JAKMIP2: variants seen among roughly 807,000 people sequenced by gnomAD.
The protein encoded by JAKMIP2 is janus kinase and microtubule interacting protein 2.
In JAKMIP2, 25 loss-of-function variants were observed where a neutral mutation model predicts 115.0. That is an observed-to-expected ratio of 0.22 (90% confidence interval 0.16 to 0.30). JAKMIP2 has a LOEUF of 0.30. Ranked by LOEUF, JAKMIP2 falls within the 10% of genes least tolerant of loss-of-function variation. JAKMIP2 has a pLI of 1.00. For missense variants in JAKMIP2, 642 were observed against 957.6 expected (o/e 0.67, Z 4.35); for synonymous variants, 334 against 343.6 (o/e 0.97, Z 0.31).
At chr5:147,601,014 G>GA (rs1755664824) in intron 21 of JAKMIP2, among the ~76,000 whole-genome samples, 2 of 152,130 alleles carry the variant, frequency 1.3e-5, no homozygotes, top group East Asian at 3.9e-4. Flanking sequence ...TAGATTAGCA[G>GA]AATCAGAATT....
chr5:147,660,956 G>A lies in JAKMIP2; in HGVS notation c.619C>T (p.Arg207Trp). The change falls in exon 3 of 22, where the codon CGG becomes TGG. Residue 207 changes from arginine (R) to tryptophan (W), a missense_variant. Transcript: ENST00000616793. ...KIKWESERDI[R>W]RLMDEIKAKD... ...GGGATTACTGTACTAACCAGCCTCCGAATATCCCGCTCCGACTCCCACTTG... is the reference window on the plus strand; with the variant it reads ...GGGATTACTGTACTAACCAGCCTCCAAATATCCCGCTCCGACTCCCACTTG... 1.9e-6 allele frequency: 3 copies of A among 1,613,752 alleles called. No individual in the cohort carries two copies. Among genetic ancestry groups the A allele is most frequent in the Middle Eastern group, 1.7e-4 (1 of 6,052 alleles).
chr5:147,695,630 T>C (rs1313897533), intron 1 of JAKMIP2, among the ~76,000 whole-genome samples: 2 of 151,398 alleles, frequency 1.3e-5, no homozygotes, highest in African/African-American at 4.9e-5. Flanking sequence ...TCTTCCTCTA[T>C]TGTTACGGAA....
At chr5:147,746,725 T>C (rs1261844207) in intron 1 of JAKMIP2, among the ~76,000 whole-genome samples, 1 of 152,130 alleles carries the variant, frequency 6.6e-6, no homozygotes, top group Non-Finnish European at 1.5e-5. Flanking sequence ...ATATACACTT[T>C]CATTTTTCTA....
intron 12 of JAKMIP2, among the ~76,000 whole-genome samples, chr5:147,633,252 C>G (rs1757453713): frequency 6.6e-6 from 1 of 152,156 alleles, no homozygotes; most frequent in African/African-American, 2.4e-5. Context: ...AATTCAAAAA[C>G]CTTAATAATC....
At chr5:147,651,260 T>C (rs1025156042) in intron 3 of JAKMIP2, among the ~76,000 whole-genome samples, 1 of 152,222 alleles carries the variant, frequency 6.6e-6, no homozygotes, top group African/African-American at 2.4e-5. Flanking sequence ...ATGTGTGAGA[T>C]ATATTTATTG....
In JAKMIP2 at chr5:147,622,963, C is replaced by G. The variant is rs548288347; in HGVS notation, c.2064+658G>C. On this transcript the variant is annotated intron_variant, in intron 17 of 21. Coordinates refer to ENST00000616793, the MANE Select transcript of JAKMIP2 (RefSeq NM_001270941.2). The stretch of plus-strand genomic sequence containing the variant: ...GAACACAGGGTCTTGCTCTGTTGCC[C>G]AGGCTGGAATGCAGTGGTACAAAAA... Among the ~76,000 whole-genome samples, 8 of 152,256 alleles carry G rather than the reference C, an allele frequency of 5.3e-5. No individual in the cohort carries two copies. In the South Asian group the frequency reaches 1.5e-3, roughly 28 times the overall value.
At chr5:147,661,983 A>G (rs1231582579) in intron 2 of JAKMIP2, 3 of 152,424 alleles carry the variant, frequency 2.0e-5, no homozygotes, top group Non-Finnish European at 4.4e-5. Flanking sequence ...ATATTGTGAT[A>G]AGGCTAATAA....
chr5:147,610,435 G>A (rs1420791287), intron 20 of JAKMIP2, among the ~76,000 whole-genome samples: 1 of 152,136 alleles, frequency 6.6e-6, no homozygotes, highest in Non-Finnish European at 1.5e-5. Context: ...CTAACAGTCA[G>A]GCCCCTCTGC....
chr5:147,722,020 G>C (rs1183536946), intron 1 of JAKMIP2, among the ~76,000 whole-genome samples: 1 of 152,082 alleles, frequency 6.6e-6, no homozygotes, highest in Non-Finnish European at 1.5e-5. Context: ...ACTTCCTGTC[G>C]AAAGGTGTCC....
At chr5:147,779,034 C>T (rs1235363758) in intron 1 of JAKMIP2, among the ~76,000 whole-genome samples, 4 of 152,014 alleles carry the variant, frequency 2.6e-5, no homozygotes, top group Non-Finnish European at 5.9e-5. Flanking sequence ...ACCATCATTG[C>T]GTTATTTATG....
intron 1 of JAKMIP2, among the ~76,000 whole-genome samples, chr5:147,725,065 G>T (rs1042959088): frequency 1.3e-5 from 2 of 152,138 alleles, no homozygotes; most frequent in Non-Finnish European, 2.9e-5. Flanking sequence ...AACCAAGATG[G>T]TGATGAAAGT....
rs775753331 is a variant in JAKMIP2, at chr5:147,644,098, T to C, written c.1184A>G (p.Gln395Arg). ...AATAATGTTCTGTTGCTCAATGACC[T>C]GAAGTTTTAGAAACTCTGTTTCTTG... ...EEQETEFLKL[Q>R]VIEQQNIIDE... is the part of the protein sequence containing the mutation. Residue 395 changes from glutamine (Q) to arginine (R), a missense_variant, in exon 7 of 22, where the codon CAG (glutamine) becomes CGG (arginine). This residue lies in a region of JAKMIP2 where 439 missense variants were observed against 570.9 expected (regional missense o/e 0.77). Transcript: ENST00000616793. 3 of 1,607,710 alleles carry C rather than the reference T, an allele frequency of 1.9e-6. No individual in the cohort carries two copies. The highest frequency in any genetic ancestry group is 2.6e-6 in the Non-Finnish European group (3 of 1,175,698).
rs1162862127 is a variant in JAKMIP2 at position 147,672,554 on chromosome 5, G to GA, written c.-148-601dup. Reference sequence around the variant, plus strand: ...GAAAAATAAGTCAGCCTTCCAATGGGAAAAAATTTATCTATCTATCTATCT... The same window carrying GA: ...GAAAAATAAGTCAGCCTTCCAATGGGAAAAAAATTTATCTATCTATCTATCT... On this transcript the variant is annotated intron_variant, in intron 1 of 21. Coordinates refer to ENST00000616793, the MANE Select transcript of JAKMIP2 (RefSeq NM_001270941.2). Among the ~76,000 whole-genome samples the GA allele has an allele frequency of 2.2e-4, 33 of 151,574 alleles. No individual in the cohort carries two copies. In the South Asian group the frequency reaches 6.3e-3, roughly 29 times the overall value.
chr5:147,776,998 A>G (rs1051810917), intron 1 of JAKMIP2, among the ~76,000 whole-genome samples: 13 of 152,158 alleles, frequency 8.5e-5, no homozygotes, highest in Non-Finnish European at 1.6e-4. Context: ...AACACTGGGG[A>G]AAACTAACAT....
chr5:147,605,795 C>T (rs7707600), intron 20 of JAKMIP2, among the ~76,000 whole-genome samples: 142,941 of 152,252 alleles, frequency 0.94, 67,617 homozygotes, highest in Non-Finnish European at 1. Flanking sequence ...TTTACACTCC[C>T]GCCAATCATG....
At chr5:147,750,772 AT>A (rs1399182885) in intron 1 of JAKMIP2, among the ~76,000 whole-genome samples, 2 of 152,100 alleles carry the variant, frequency 1.3e-5, no homozygotes, top group Admixed American at 1.3e-4. Flanking sequence ...TAGTCTGATA[AT>A]ATTGGTATCC....
chr5:147,593,881 T>C (rs563240487), intron 21 of JAKMIP2, among the ~76,000 whole-genome samples: 1 of 152,190 alleles, frequency 6.6e-6, no homozygotes, highest in African/African-American at 2.4e-5. Flanking sequence ...TCTTCAGGGA[T>C]GTATTTTTGT....
chr5:147,631,568 C>G (rs1422730716), intron 13 of JAKMIP2, 57 bp from the exon 14 acceptor site: 3 of 1,114,114 alleles, frequency 2.7e-6, no homozygotes, highest in East Asian at 4.9e-5. Context: ...TAATTAAACA[C>G]TAAACCAGTG....
intron 21 of JAKMIP2, among the ~76,000 whole-genome samples, chr5:147,596,649 C>T (rs1358918000): frequency 1.3e-5 from 2 of 152,078 alleles, no homozygotes; most frequent in Non-Finnish European, 1.5e-5. Context: ...ATAGATAAGG[C>T]ACTGTTATAG....
Sources: gnomAD v4.1 joint callset for allele counts (sites outside exome capture counted in the v4.1 genomes callset) on GRCh38, gnomAD v4.1.1 for gene constraint, gnomAD v4.1.1 regional missense constraint, MANE v1.5 for transcripts, NCBI Gene and HGNC (gene_info 2026-07-23, HGNC 2026-07-21) for gene names.